The following KCNMA1 variants were observed in gnomAD, a reference collection of about 807,000 sequenced individuals.
KCNMA1 encodes Calcium-activated potassium channel subunit alpha-1.
Under a neutral mutation model 140.0 loss-of-function variants are expected in KCNMA1, and 29 were observed. That is an observed-to-expected ratio of 0.21 (90% confidence interval 0.15 to 0.28). KCNMA1 has a LOEUF of 0.28. Ranked by LOEUF, KCNMA1 falls within the 10% of genes least tolerant of loss-of-function variation. The pLI is 1.00. For missense variants in KCNMA1, 880 were observed against 1,602.2 expected, an observed-to-expected ratio of 0.55 and a Z score of 7.70; for synonymous variants, 612 against 611.9, an observed-to-expected ratio of 1.00 and a Z score of 0.00.
At chr10:76,889,815 C>T (rs1316070900) in intron 26 of KCNMA1, 11 of 544,402 alleles carry the variant, frequency 2.0e-5, no homozygotes, top group East Asian at 3.4e-5. Flanking sequence ...TTCCACCTGT[C>T]GCAGTGGGGT....
chr10:77,560,232 G>A (rs2065915841), intron 1 of KCNMA1, among the ~76,000 whole-genome samples: 1 of 152,132 alleles, frequency 6.6e-6, no homozygotes, highest in South Asian at 2.1e-4. Context: ...TGACCCATCA[G>A]CAGGTCACAG....
At chr10:76,879,304 C>G (rs2033560463) in intron 29 of KCNMA1, among the ~76,000 whole-genome samples, 1 of 152,126 alleles carries the variant, frequency 6.6e-6, no homozygotes. Flanking sequence ...TCAGTTTACC[C>G]CACAGGAAAC....
intron 1 of KCNMA1, among the ~76,000 whole-genome samples, chr10:77,489,741 G>C (rs1329998637): frequency 6.6e-6 from 1 of 152,238 alleles, no homozygotes; most frequent in Non-Finnish European, 1.5e-5. Context: ...AATATCACAA[G>C]AGAAAGAGCC....
rs1320788290 is a variant in KCNMA1, at chr10:77,008,299, T to A, written c.2092+3668A>T. On this transcript the variant is annotated intron_variant, in intron 18 of 27. Transcript: ENST00000286628. ...ATGATTTGAAGTCAAAGAAAATTCC[T>A]TCAAACACATCAAACTAGACATTAC... 4 of 1,182,320 alleles carry A rather than the reference T, an allele frequency of 3.4e-6. No homozygotes were observed. The African/African-American group carries it at 6.1e-5, about 18-fold the overall frequency. The allele number at this position is 1,182,320 out of a possible 1,614,324, so 73.2% of individuals were successfully genotyped here. A position where few individuals can be genotyped will look rare whatever the true frequency, so the allele number is the denominator to read the frequency against.
chr10:77,227,004 C>T (rs2051695925), intron 3 of KCNMA1, among the ~76,000 whole-genome samples: 4 of 152,126 alleles, frequency 2.6e-5, no homozygotes, highest in Admixed American at 2.6e-4. Context: ...TAAGGAAAAG[C>T]TTATTGCTTT....
intron 1 of KCNMA1, among the ~76,000 whole-genome samples, chr10:77,419,153 G>C (rs2096810843): frequency 6.6e-6 from 1 of 152,122 alleles, no homozygotes; most frequent in South Asian, 2.1e-4. Flanking sequence ...TGGCACCAGG[G>C]GGACTGGCAT....
Position 77,184,877 on chromosome 10 carries a change from T to C in KCNMA1, c.642A>G (p.Thr214=), listed in dbSNP as rs749560545. The C allele has an allele frequency of 1.9e-6, 3 of 1,612,970 alleles. No homozygotes were observed. Among genetic ancestry groups the C allele is most frequent in the Admixed American group, 1.7e-5 (1 of 60,016 alleles). Residue 214 remains threonine (T), a synonymous_variant, in exon 4 of 28, where the codon ACA becomes ACG. Coordinates refer to ENST00000286628, the MANE Select transcript of KCNMA1 (RefSeq NM_001161352.2). ...CGTTGAAAGCCATGTCGATCTGTAA[T>C]GTGAAATCTTTGTAGAAATTCTGGC... ...ESCQNFYKDF[T]LQIDMAFNVF...
intron 20 of KCNMA1, among the ~76,000 whole-genome samples, chr10:76,968,873 G>T (rs2153136452): frequency 6.6e-6 from 1 of 152,294 alleles, no homozygotes; most frequent in Non-Finnish European, 1.5e-5. Flanking sequence ...TTTCCAGAAA[G>T]GTGGATGTGG....
chr10:76,910,028 T>A lies in KCNMA1; in HGVS notation c.3085A>T (p.Thr1029Ser). The A allele has an allele frequency of 6.2e-7, 1 of 1,614,020 alleles. No individual in the cohort carries two copies. The highest frequency in any genetic ancestry group is 8.5e-7 in the Non-Finnish European group (1 of 1,179,956). Reference protein sequence around the residue: ...DDDPDTELYLTQPFACGTAFA... With the variant: ...DDDPDTELYLSQPFACGTAFA... ...GCTGTCCCACAGGCAAAGGGCTGCGTGAGGTACAGTTCTGTATCAGGGTCA... is the reference window on the plus strand; with the variant it reads ...GCTGTCCCACAGGCAAAGGGCTGCGAGAGGTACAGTTCTGTATCAGGGTCA... Residue 1029 changes from threonine to serine, a missense_variant, in exon 25 of 28, where the codon ACG (threonine) becomes TCG (serine). Coordinates refer to ENST00000286628, the MANE Select transcript of KCNMA1 (RefSeq NM_001161352.2).
chr10:77,089,036 C>T (rs959879504), intron 10 of KCNMA1, among the ~76,000 whole-genome samples: 2 of 152,164 alleles, frequency 1.3e-5, no homozygotes, highest in Admixed American at 6.5e-5. Context: ...CTTTCCAAAA[C>T]GCTCAGTAGA....
intron 6 of KCNMA1, among the ~76,000 whole-genome samples, chr10:77,118,245 T>G (rs2097526213): frequency 6.6e-6 from 1 of 151,702 alleles, no homozygotes. Flanking sequence ...TATGGAAGAG[T>G]CACAGGAGAA....
intron 14 of KCNMA1, among the ~76,000 whole-genome samples, chr10:77,063,060 A>G (rs1435792630): frequency 6.6e-6 from 1 of 152,200 alleles, no homozygotes; most frequent in Non-Finnish European, 1.5e-5. Context: ...TGCATTTGGC[A>G]TGTTTTCCAT....
At chr10:77,152,137 C>T (rs2098424715) in intron 5 of KCNMA1, among the ~76,000 whole-genome samples, 1 of 152,160 alleles carries the variant, frequency 6.6e-6, no homozygotes, top group Non-Finnish European at 1.5e-5. Context: ...ATCTTGTCAT[C>T]TCAGCATTTA....
chr10:77,553,159 A>G (rs1300385647), intron 1 of KCNMA1, among the ~76,000 whole-genome samples: 15 of 152,290 alleles, frequency 9.8e-5, no homozygotes, highest in Admixed American at 9.8e-4. Context: ...TAGTGATGAA[A>G]TAACAAAGCT....
intron 15 of KCNMA1, among the ~76,000 whole-genome samples, chr10:77,028,326 T>C (rs532841188): frequency 6.6e-6 from 1 of 152,214 alleles, no homozygotes; most frequent in East Asian, 1.9e-4. Context: ...AGCAGACCCC[T>C]GTGTGCTTGC....
At chr10:76,937,209 T>A (rs775622547) in intron 23 of KCNMA1, among the ~76,000 whole-genome samples, 9 of 152,196 alleles carry the variant, frequency 5.9e-5, no homozygotes, top group Non-Finnish European at 1.0e-4. Flanking sequence ...TCTCCTTAAT[T>A]ATTAACCATT....
rs555346390 is a variant in KCNMA1 at position 77,491,835 on chromosome 10, T to C, written c.379-87812A>G. 5.5e-4 allele frequency among the ~76,000 whole-genome samples: 83 copies of C among 152,172 alleles called. 1 individual carries two copies. In the South Asian group the frequency reaches 9.7e-3, roughly 18 times the overall value. On this transcript the variant is annotated intron_variant, in intron 1 of 27. Coordinates refer to ENST00000286628, the MANE Select transcript of KCNMA1 (RefSeq NM_001161352.2). ...CTTTGCAAGTAGTTATTTTGAGAAATGGTATTAGCCATTCGGTTATTTTTA... is the reference window on the plus strand; with the variant it reads ...CTTTGCAAGTAGTTATTTTGAGAAACGGTATTAGCCATTCGGTTATTTTTA...
intron 9 of KCNMA1, among the ~76,000 whole-genome samples, chr10:77,103,514 G>C (rs536664905): frequency 1.3e-5 from 2 of 152,320 alleles, no homozygotes; most frequent in South Asian, 4.1e-4. Context: ...CAAGGGTATA[G>C]AAGGCTCTGC....
chr10:77,630,361 G>A (rs1466042692), intron 1 of KCNMA1, among the ~76,000 whole-genome samples: 1 of 152,192 alleles, frequency 6.6e-6, no homozygotes, highest in African/African-American at 2.4e-5. Flanking sequence ...GCACGAGGAA[G>A]AGCCCACACA....
Sources: gnomAD v4.1 joint callset for allele counts (sites outside exome capture counted in the v4.1 genomes callset) on GRCh38, gnomAD v4.1.1 for gene constraint, MANE v1.5 for transcripts, NCBI Gene and HGNC (gene_info 2026-07-23, HGNC 2026-07-21) for gene names.